WNK1: variants seen among roughly 807,000 people sequenced by gnomAD.
WNK1 encodes WNK lysine deficient protein kinase 1, also known as serine/threonine-protein kinase WNK1.
WNK1 carries 38 observed loss-of-function variants against 222.8 expected under a neutral mutation model. That is an observed-to-expected ratio of 0.17 (90% CI 0.13 to 0.22). WNK1 has a LOEUF of 0.22. Among genes scored for constraint, WNK1 ranks in the 10% least tolerant of loss-of-function variants. The pLI is 1.00. For synonymous variants in WNK1, 1,090 were observed against 1,092.9 expected, an observed-to-expected ratio of 1.00 and a Z score of 0.05; for missense variants, 2,348 against 2,918.4, an observed-to-expected ratio of 0.80 and a Z score of 4.50.
At chr12:767,922 A>G (rs12310187) in intron 1 of WNK1, among the ~76,000 whole-genome samples, 1 of 152,106 alleles carries the variant, frequency 6.6e-6, no homozygotes, top group African/African-American at 2.4e-5. Context: ...TGCTTCAACG[A>G]CGTAACTGAG....
intron 20 of WNK1, 117 bp from the exon 21 acceptor site, chr12:889,023 C>T: frequency 6.0e-6 from 5 of 838,452 alleles, no homozygotes; most frequent in South Asian, 1.3e-5. Flanking sequence ...TCCATAAAGA[C>T]AAATGTTATG....
chr12:794,889 C>T (rs1945160656), intron 1 of WNK1, among the ~76,000 whole-genome samples: 1 of 152,092 alleles, frequency 6.6e-6, no homozygotes, highest in South Asian at 2.1e-4. Flanking sequence ...GTAGCTAAGA[C>T]TATGGGTGCG....
chr12:883,763 G>T lies in WNK1; in HGVS notation c.3664-11G>T. ...TTTGAGAATGTATTTAATCACTTTTGTTTGTTGTAGAAATTGGAAGGAGAG... is the reference window on the plus strand; with the variant it reads ...TTTGAGAATGTATTTAATCACTTTTTTTTGTTGTAGAAATTGGAAGGAGAG... On this transcript the variant is annotated splice_polypyrimidine_tract_variant and intron_variant, in intron 16 of 27. Transcript: ENST00000315939. 1 of 1,614,044 alleles carries T rather than the reference G, an allele frequency of 6.2e-7. No homozygotes were observed.
intron 1 of WNK1, among the ~76,000 whole-genome samples, chr12:788,326 A>G (rs965849241): frequency 6.6e-6 from 1 of 152,246 alleles, no homozygotes; most frequent in Non-Finnish European, 1.5e-5. Flanking sequence ...GAAATTAAAA[A>G]AAAAGCTACT....
chr12:753,668 G>A lies in WNK1; in HGVS notation c.103G>A (p.Val35Met). The A allele has an allele frequency of 6.2e-7, 1 of 1,612,430 alleles. No individual in the cohort carries two copies. Among genetic ancestry groups the A allele is most frequent in the Non-Finnish European group, 8.5e-7 (1 of 1,179,858 alleles). The part of the protein sequence containing the change: ...PKNGSSSDSS[V>M]GEKLGAAAAD... Reference sequence around the variant, plus strand: ...GAATGGCTCCAGCTCCGATTCCTCCGTGGGGGAGAAACTGGGAGCCGCGGC... The same window carrying A: ...GAATGGCTCCAGCTCCGATTCCTCCATGGGGGAGAAACTGGGAGCCGCGGC... The change falls in exon 1 of 28, where the codon GTG becomes ATG. Residue 35 changes from valine to methionine, a missense_variant. By Grantham distance (21) the Val-to-Met change is conservative. This residue lies in a region of WNK1 where 108 missense variants were observed against 109.7 expected (regional missense o/e 0.98). Transcript: ENST00000315939. The surrounding 1 kb of genome is among the most constrained non-coding windows in gnomAD (Gnocchi z 5.2).
Position 762,309 on chromosome 12 carries a change from C to T in WNK1, c.759+7985C>T, listed in dbSNP as rs1941131624. Among the ~76,000 whole-genome samples the T allele has an allele frequency of 1.4e-5, 2 of 147,496 alleles. 1 individual carries two copies. Among genetic ancestry groups the T allele is most frequent in the Admixed American group, 1.3e-4 (2 of 14,822 alleles). Reference sequence around the variant, plus strand: ...TCCTGACCTCAAGTGATCCATCTGCCTCTGCCTCCCAAAACGCTGGGATTA... The same window carrying T: ...TCCTGACCTCAAGTGATCCATCTGCTTCTGCCTCCCAAAACGCTGGGATTA... On this transcript the variant is annotated intron_variant, in intron 1 of 27. Transcript: ENST00000315939.
At chr12:840,306 T>G (rs962645550) in intron 4 of WNK1, among the ~76,000 whole-genome samples, 12 of 108,162 alleles carry the variant, frequency 1.1e-4, no homozygotes, top group Admixed American at 7.0e-4. Flanking sequence ...TTTTTTTTTT[T>G]TTTTTTGTAG....
At chr12:836,612 A>C (rs1949200059) in intron 4 of WNK1, among the ~76,000 whole-genome samples, 1 of 152,222 alleles carries the variant, frequency 6.6e-6, no homozygotes. Flanking sequence ...AAGGAATTTT[A>C]TTTTTAAAAA....
chr12:759,911 C>G (rs966772919), intron 1 of WNK1, among the ~76,000 whole-genome samples: 9 of 148,108 alleles, frequency 6.1e-5, no homozygotes, highest in Middle Eastern at 3.3e-3. Context: ...GGGCCTGCCA[C>G]ATAAATATTA....
At position 885,129 on chromosome 12, in the gene WNK1, T is replaced by C. The variant is rs771709236; in HGVS notation, c.4325T>C (p.Val1442Ala). 2 of 1,614,204 alleles carry C rather than the reference T, an allele frequency of 1.2e-6. No homozygotes were observed. Among genetic ancestry groups the C allele is most frequent in the Non-Finnish European group, 1.7e-6 (2 of 1,180,020 alleles). Reference sequence around the variant, plus strand: ...CCCACATCCACATCTGAGATCGTTGTTTCTAGTACAGCACTGTATCCTTCA... The same window carrying C: ...CCCACATCCACATCTGAGATCGTTGCTTCTAGTACAGCACTGTATCCTTCA... ...QVPTSTSEIV[V>A]SSTALYPSVT... is the part of the protein sequence containing the mutation. Residue 1442 changes from valine to alanine, a missense_variant, in exon 19 of 28, where the codon GTT becomes GCT. Physicochemically the swap from Val to Ala is moderately conservative, Grantham distance 64 (BLOSUM62 0). Transcript: ENST00000315939.
chr12:778,412 A>T (rs1310081593), intron 1 of WNK1, among the ~76,000 whole-genome samples: 1 of 151,696 alleles, frequency 6.6e-6, no homozygotes, highest in African/African-American at 2.4e-5. Context: ...GGCTCACTGC[A>T]ACCTCCACCT....
In WNK1 at chr12:784,650, C is replaced by T. The variant is rs937424421; in HGVS notation, c.760-28992C>T. On this transcript the variant is annotated intron_variant, in intron 1 of 27. Coordinates refer to ENST00000315939, the MANE Select transcript of WNK1 (RefSeq NM_018979.4). ...TTTATTACTATTTTCCTGAAGTCTT[C>T]CCTCCTAGCTGTGCAAATCTCCTGT... is the stretch of plus-strand genomic sequence containing the variant. Among the ~76,000 whole-genome samples the T allele has an allele frequency of 3.3e-5, 5 of 152,206 alleles. 1 individual carries two copies. The highest frequency in any genetic ancestry group is 6.5e-5 in the Admixed American group (1 of 15,284).
intron 8 of WNK1, chr12:864,967 T>C (rs960391954): frequency 2.2e-6 from 2 of 898,488 alleles, no homozygotes; most frequent in South Asian, 2.1e-5. Context: ...GTTATAGCTC[T>C]CCTCAAAAAA....
chr12:835,409 C>T (rs1949104838), intron 4 of WNK1, among the ~76,000 whole-genome samples: 2 of 152,064 alleles, frequency 1.3e-5, no homozygotes, highest in African/African-American at 4.8e-5. Context: ...ATTCTGAATT[C>T]TGTGTATCAG....
intron 8 of WNK1, 49 bp from the exon 9 acceptor site, chr12:871,216 A>C: frequency 1.3e-6 from 2 of 1,553,226 alleles, no homozygotes; most frequent in Non-Finnish European, 1.8e-6. Context: ...ACCTCTATAC[A>C]CTTACTTTAG....
chr12:908,704 T>TG lies in WNK1; in HGVS notation c.7064dup (p.Thr2356AsnfsTer36). On this transcript the variant is annotated frameshift_variant, in exon 28 of 28. Transcript: ENST00000315939. LOFTEE classifies it high-confidence loss of function. The stretch of plus-strand genomic sequence containing the variant: ...CAGCCACTTGGCCAGTTCCAACCTG[T>TG]GGGAACTGCCTCCTTGCAGAATTTC... 1 of 1,614,102 alleles carries TG rather than the reference T, an allele frequency of 6.2e-7. No individual in the cohort carries two copies. The highest frequency in any genetic ancestry group is 8.5e-7 in the Non-Finnish European group (1 of 1,180,026).
intron 12 of WNK1, chr12:881,366 A>G (rs1029518132): frequency 2.7e-5 from 12 of 452,284 alleles, no homozygotes; most frequent in Non-Finnish European, 2.9e-5. Flanking sequence ...AGAAGATCTG[A>G]ATTCATCTTT....
chr12:793,825 G>A (rs1396911632), intron 1 of WNK1, among the ~76,000 whole-genome samples: 4 of 152,020 alleles, frequency 2.6e-5, no homozygotes, highest in Admixed American at 2.6e-4. Flanking sequence ...ACAATTCAGT[G>A]GTTTTTAAAG....
In WNK1 at chr12:879,991, C is replaced by G. The variant is rs1244169641; in HGVS notation, c.2792C>G (p.Ala931Gly). ...SMGIPANLGQAAEVPLSSGDV... is the reference protein window; with the variant it reads ...SMGIPANLGQGAEVPLSSGDV... ...GGAATACCAGCTAACCTTGGACAAGCTGCTGAGGTTCCACTTTCCTCTGGA... is the reference window on the plus strand; with the variant it reads ...GGAATACCAGCTAACCTTGGACAAGGTGCTGAGGTTCCACTTTCCTCTGGA... Residue 931 changes from alanine to glycine, a missense_variant, in exon 11 of 28, where the codon GCT becomes GGT. Transcript: ENST00000315939. 5 of 1,614,086 alleles carry G rather than the reference C, an allele frequency of 3.1e-6. No individual in the cohort carries two copies. In the African/African-American group the frequency reaches 5.3e-5, roughly 17 times the overall value.
Sources: gnomAD v4.1 joint callset for allele counts (sites outside exome capture counted in the v4.1 genomes callset) on GRCh38, gnomAD v4.1.1 for gene constraint, gnomAD v4.1.1 regional missense constraint, Gnocchi (gnomAD v3.1) non-coding constraint, MANE v1.5 for transcripts, NCBI Gene and HGNC (gene_info 2026-07-23, HGNC 2026-07-21) for gene names.